The following ZNF800 variants were observed in gnomAD, a reference collection of about 807,000 sequenced individuals.
The protein encoded by ZNF800 is zinc finger protein 800.
In ZNF800, 13 loss-of-function variants were observed where a neutral mutation model predicts 59.5. The observed-to-expected ratio is 0.22, with a 90% CI of 0.14 to 0.35. The LOEUF (loss-of-function observed/expected upper bound fraction) is 0.35. Ranked by LOEUF, ZNF800 falls within the 10% of genes least tolerant of loss-of-function variation. The pLI, the probability that ZNF800 is intolerant of heterozygous loss-of-function variation, is 1.00. For missense variants in ZNF800, 621 were observed against 783.7 expected (o/e 0.79, Z 2.48); for synonymous variants, 266 against 265.7 (o/e 1.00, Z -0.01).
intron 2 of ZNF800, among the ~76,000 whole-genome samples, chr7:127,388,000 A>C (rs923708974): frequency 6.6e-6 from 1 of 152,136 alleles, no homozygotes; most frequent in South Asian, 2.1e-4. Context: ...GATTAAGAAC[A>C]TAAGAATCCA....
At chr7:127,352,298 G>C (rs967430893) in intron 1 of ZNF800, among the ~76,000 whole-genome samples, 1 of 152,066 alleles carries the variant, frequency 6.6e-6, no homozygotes, top group African/African-American at 2.4e-5. Context: ...ACCAGGAATT[G>C]GGCTAAGTGT....
intron 3 of ZNF800, among the ~76,000 whole-genome samples, chr7:127,378,411 A>C (rs573162616): frequency 5.3e-5 from 8 of 152,222 alleles, no homozygotes; most frequent in Admixed American, 5.2e-4. Context: ...TACTTTCCTC[A>C]AATTAAAACT....
chr7:127,386,228 A>G, intron 2 of ZNF800, 73 bp from the exon 3 acceptor site: 1 of 862,504 alleles, frequency 1.2e-6, no homozygotes, highest in Non-Finnish European at 1.9e-6. Flanking sequence ...TATTAAAGTA[A>G]AACAATGGCT....
rs369726337 is a variant in ZNF800, at chr7:127,374,820, T to C, written c.516A>G (p.Glu172=). 1 of 1,613,482 alleles carries C rather than the reference T, an allele frequency of 6.2e-7. No individual in the cohort carries two copies. Residue 172 remains glutamate, a synonymous_variant, in exon 5 of 6, where the codon GAA becomes GAG. Coordinates refer to ENST00000265827, the MANE Select transcript of ZNF800 (RefSeq NM_176814.5). ...CTGTTTTTGACTGTTCAGTGCTAGT[T>C]TCCTGTATCTGAACTTCGGTTTGTT... ...TPEQTEVQIQ[E]TSTEQSKTVP... is the part of the protein sequence containing the mutation.
At chr7:127,378,017 C>G (rs2117135929) in intron 3 of ZNF800, among the ~76,000 whole-genome samples, 1 of 152,054 alleles carries the variant, frequency 6.6e-6, no homozygotes. Context: ...TTATTCAAAG[C>G]CTTTCTCCCT....
intron 1 of ZNF800, among the ~76,000 whole-genome samples, chr7:127,354,332 T>C (rs1423734937): frequency 6.6e-6 from 1 of 152,112 alleles, no homozygotes; most frequent in Non-Finnish European, 1.5e-5. Context: ...CTCAATATGC[T>C]AGAAATAAAT....
chr7:127,368,376 C>A (rs2285338), downstream of ZNF800, among the ~76,000 whole-genome samples: 97,458 of 151,944 alleles, frequency 0.64, 31,664 homozygotes, highest in East Asian at 0.86. Context: ...AGAGAGACGA[C>A]AGGATAGCAC....
downstream of ZNF800, among the ~76,000 whole-genome samples, chr7:127,365,379 G>A (rs1800483805): frequency 6.6e-6 from 1 of 152,104 alleles, no homozygotes; most frequent in Non-Finnish European, 1.5e-5. Flanking sequence ...CTAATGATAA[G>A]ATAAGCCTGA....
At chr7:127,385,000 G>A (rs955624758) in intron 3 of ZNF800, among the ~76,000 whole-genome samples, 3 of 152,124 alleles carry the variant, frequency 2.0e-5, no homozygotes, top group Admixed American at 1.3e-4. Flanking sequence ...CAGATGAAAA[G>A]TCTAAGAAAT....
chr7:127,348,727 A>G (rs2117010526), intron 1 of ZNF800, among the ~76,000 whole-genome samples: 1 of 152,372 alleles, frequency 6.6e-6, no homozygotes, highest in East Asian at 1.9e-4. Context: ...AGCTGCAGGT[A>G]ACGCTTTTTT....
intron 1 of ZNF800, among the ~76,000 whole-genome samples, chr7:127,348,403 A>C (rs1444773938): frequency 1.4e-5 from 2 of 147,192 alleles, no homozygotes; most frequent in Non-Finnish European, 3.0e-5. Flanking sequence ...TATCTATAAT[A>C]GAAAAAAAAA....
chr7:127,385,866 T>C (rs1206264413), intron 3 of ZNF800, among the ~76,000 whole-genome samples, 194 bp downstream of exon 3: 1 of 152,138 alleles, frequency 6.6e-6, no homozygotes, highest in East Asian at 1.9e-4. Context: ...ATACCATATA[T>C]AGTACTGAAG....
At chr7:127,344,981 A>C (rs185523538), downstream of ZNF800, among the ~76,000 whole-genome samples, 141 of 152,344 alleles carry the variant, frequency 9.3e-4, no homozygotes, top group Middle Eastern at 3.4e-3. Context: ...TATCTAAATA[A>C]AAAATGCAAT....
chr7:127,381,188 T>C (rs1234739385), intron 3 of ZNF800, among the ~76,000 whole-genome samples: 1 of 152,228 alleles, frequency 6.6e-6, no homozygotes, highest in Non-Finnish European at 1.5e-5. Context: ...TTTTAAGTGA[T>C]GACAAGAATG....
At chr7:127,381,317 TCA>T (rs1468606562) in intron 3 of ZNF800, among the ~76,000 whole-genome samples, 1 of 152,150 alleles carries the variant, frequency 6.6e-6, no homozygotes, top group Non-Finnish European at 1.5e-5. Context: ...TGTACGTTCC[TCA>T]TCACAACTCC....
At chr7:127,349,502 T>C (rs1800132836) in intron 1 of ZNF800, among the ~76,000 whole-genome samples, 1 of 152,200 alleles carries the variant, frequency 6.6e-6, no homozygotes, top group African/African-American at 2.4e-5. Flanking sequence ...CAGGCTGATT[T>C]TATCTAATGA....
At chr7:127,350,448 C>T (rs1262837648) in intron 1 of ZNF800, 1 of 152,130 alleles carries the variant, frequency 6.6e-6, no homozygotes, top group Non-Finnish European at 1.5e-5. Flanking sequence ...GCAACATATA[C>T]TTCATCTTTG....
At chr7:127,386,865 A>G (rs1282936645) in intron 2 of ZNF800, among the ~76,000 whole-genome samples, 1 of 152,158 alleles carries the variant, frequency 6.6e-6, no homozygotes, top group Non-Finnish European at 1.5e-5. Context: ...CAACAAACAT[A>G]GGTTATAGAA....
Position 127,373,378 on chromosome 7 carries a change from G to A in ZNF800, c.1958C>T (p.Thr653Ile). The stretch of plus-strand genomic sequence containing the variant: ...CTTAGATCTTGTACTTCGGCCTTTG[G>A]TTTTGTTTCCTTCAGGTGAATTGGA... ...NASNSPEGNK[T>I]KGRSTRSKAL... The change falls in exon 5 of 6, where the codon ACC becomes ATC. Residue 653 changes from threonine to isoleucine, a missense_variant. This residue lies in a region of ZNF800 where 94 missense variants were observed against 108.5 expected (regional missense o/e 0.87). Coordinates refer to ENST00000265827, the MANE Select transcript of ZNF800 (RefSeq NM_176814.5). 2 of 1,609,662 alleles carry A rather than the reference G, an allele frequency of 1.2e-6. No homozygotes were observed. The highest frequency in any genetic ancestry group is 1.7e-6 in the Non-Finnish European group (2 of 1,177,622).
Sources: allele counts gnomAD v4.1 joint callset (sites outside exome capture counted in the v4.1 genomes callset), GRCh38; gene constraint gnomAD v4.1.1; regional missense constraint gnomAD v4.1.1; transcripts MANE v1.5; gene names NCBI Gene and HGNC (gene_info 2026-07-23, HGNC 2026-07-21).